Variants in CCDC7 observed in about 807,000 individuals in gnomAD.
CCDC7 encodes coiled-coil domain containing 7.
CCDC7 carries 183 observed loss-of-function variants against 196.9 expected under a neutral mutation model. That is an observed-to-expected ratio of 0.93 (90% CI 0.82 to 1.05). The LOEUF (loss-of-function observed/expected upper bound fraction) is 1.05, where lower values mean the gene tolerates loss of function less well. Ranked by LOEUF, CCDC7 falls within the 50% of genes least tolerant of loss-of-function variation. CCDC7 has a pLI of 0.00. For missense variants in CCDC7, 1,540 were observed against 1,482.2 expected (o/e 1.04, Z -0.64); for synonymous variants, 525 against 484.6 (o/e 1.08, Z -1.10).
At chr10:32,696,924 A>C (rs1386022183) in intron 24 of CCDC7, among the ~76,000 whole-genome samples, 3 of 152,156 alleles carry the variant, frequency 2.0e-5, no homozygotes, top group Non-Finnish European at 4.4e-5. Flanking sequence ...GTGGTCCTCA[A>C]CCTTTTTGCA....
At chr10:32,673,911 T>C (rs79621861) in intron 21 of CCDC7, among the ~76,000 whole-genome samples, 2,917 of 152,144 alleles carry the variant, frequency 0.019, 95 homozygotes, top group African/African-American at 0.066. Flanking sequence ...AAATTGTTCA[T>C]AATAGTCATT....
At position 32,473,961 on chromosome 10, in the gene CCDC7, C is replaced by T. The variant is rs2038460468; in HGVS notation, c.740-6C>T. ...GTTTATAGTGACAAATACACTTTTA[C>T]TTCAGAATTCTTAGAAGCCCACTCA... On this transcript the variant is annotated splice_polypyrimidine_tract_variant and splice_region_variant and intron_variant, in intron 7 of 41. Coordinates refer to ENST00000639629, the Ensembl canonical transcript of CCDC7. 2 of 1,604,332 alleles carry T rather than the reference C, an allele frequency of 1.2e-6. No individual in the cohort carries two copies.
intron 21 of CCDC7, among the ~76,000 whole-genome samples, chr10:32,680,561 C>A (rs2075715896): frequency 1.3e-5 from 2 of 152,202 alleles, no homozygotes; most frequent in Admixed American, 1.3e-4. Flanking sequence ...GCTATTTCTC[C>A]TAATGCTGTC....
chr10:32,596,188 T>C (rs2138084962), intron 18 of CCDC7, among the ~76,000 whole-genome samples: 1 of 152,320 alleles, frequency 6.6e-6, no homozygotes, highest in South Asian at 2.1e-4. Flanking sequence ...TTTAGGTCTC[T>C]CAGGACTTGC....
At chr10:32,477,359 C>T (rs957903108) in intron 8 of CCDC7, among the ~76,000 whole-genome samples, 27 of 152,012 alleles carry the variant, frequency 1.8e-4, no homozygotes, top group African/African-American at 3.9e-4. Context: ...TGCGCCACCA[C>T]GCCCGGCTAA....
At chr10:32,738,605 C>G (rs780307579) in intron 28 of CCDC7, among the ~76,000 whole-genome samples, 6 of 150,684 alleles carry the variant, frequency 4.0e-5, no homozygotes, top group Admixed American at 6.7e-5. Flanking sequence ...CTCCAAGTAC[C>G]TGGGACTACA....
At chr10:32,865,848 G>A (rs2094183341) in intron 41 of CCDC7, among the ~76,000 whole-genome samples, 1 of 151,626 alleles carries the variant, frequency 6.6e-6, no homozygotes, top group South Asian at 2.1e-4. Flanking sequence ...ACACATTAAG[G>A]GTAACAGCCA....
chr10:32,460,434 G>A (rs949502602), intron 3 of CCDC7, among the ~76,000 whole-genome samples: 1 of 152,100 alleles, frequency 6.6e-6, no homozygotes, highest in Non-Finnish European at 1.5e-5. Context: ...ATTGAGAAAG[G>A]CACTGTTCTC....
At chr10:32,836,380 T>C (rs1425822799) in intron 33 of CCDC7, among the ~76,000 whole-genome samples, 3 of 152,172 alleles carry the variant, frequency 2.0e-5, no homozygotes, top group African/African-American at 7.2e-5. Flanking sequence ...TAGATTTTTC[T>C]ACAATATCAT....
exon 1 of CCDC7, chr10:32,451,791 C>T (rs756032098): frequency 1.2e-6 from 2 of 1,613,948 alleles, no homozygotes; most frequent in Non-Finnish European, 8.5e-7. Flanking sequence ...AAAATTGAAC[C>T]AATGGTCCTA....
intron 41 of CCDC7, among the ~76,000 whole-genome samples, chr10:32,874,821 T>C (rs1441603496): frequency 6.6e-6 from 1 of 151,316 alleles, no homozygotes; most frequent in African/African-American, 2.4e-5. Context: ...ACATTTTCTT[T>C]ATCCACTCAT....
intron 18 of CCDC7, among the ~76,000 whole-genome samples, chr10:32,609,334 A>G (rs189018790): frequency 2.0e-5 from 3 of 152,150 alleles, no homozygotes; most frequent in Admixed American, 2.0e-4. Flanking sequence ...CCTCTGGCTG[A>G]GTTGATCCTG....
chr10:32,657,049 T>G (rs2070073255), intron 20 of CCDC7, among the ~76,000 whole-genome samples: 1 of 152,248 alleles, frequency 6.6e-6, no homozygotes, highest in Non-Finnish European at 1.5e-5. Flanking sequence ...ATGTCTCACA[T>G]CCAGGGCACA....
intron 15 of CCDC7, among the ~76,000 whole-genome samples, chr10:32,570,027 A>G (rs1475202240): frequency 6.6e-6 from 1 of 152,120 alleles, no homozygotes; most frequent in Non-Finnish European, 1.5e-5. Flanking sequence ...CTAGGGCCAT[A>G]TAAATCTCTT....
intron 21 of CCDC7, among the ~76,000 whole-genome samples, chr10:32,678,138 G>T (rs1041433429): frequency 1.3e-5 from 2 of 151,912 alleles, no homozygotes; most frequent in African/African-American, 4.8e-5. Context: ...TTATTTGGTT[G>T]TCTAGCTGTA....
intron 18 of CCDC7, among the ~76,000 whole-genome samples, chr10:32,616,711 T>A (rs2062813639): frequency 6.6e-6 from 1 of 151,818 alleles, no homozygotes; most frequent in African/African-American, 2.4e-5. Flanking sequence ...TAAATAAGAG[T>A]GGTAAAAATG....
At chr10:32,516,847 C>T (rs1440487815) in intron 9 of CCDC7, among the ~76,000 whole-genome samples, 1 of 152,102 alleles carries the variant, frequency 6.6e-6, no homozygotes, top group Non-Finnish European at 1.5e-5. Flanking sequence ...CACATGTTCA[C>T]ACAAAAACTT....
chr10:32,453,347 G>A, exon 2 of CCDC7: 1 of 1,490,416 alleles, frequency 6.7e-7, no homozygotes, highest in South Asian at 1.5e-5. Flanking sequence ...TTTACAGGTT[G>A]TTTCCACTTT....
At chr10:32,868,357 C>T (rs1364157168) in intron 41 of CCDC7, among the ~76,000 whole-genome samples, 1 of 151,856 alleles carries the variant, frequency 6.6e-6, no homozygotes, top group African/African-American at 2.4e-5. Flanking sequence ...AGAGGCTGTG[C>T]CATTTTCCTC....
Sources: allele counts gnomAD v4.1 joint callset (sites outside exome capture counted in the v4.1 genomes callset), GRCh38; gene constraint gnomAD v4.1.1; transcripts MANE v1.5; gene names NCBI Gene and HGNC (gene_info 2026-07-23, HGNC 2026-07-21).